PBX1: variants seen among roughly 807,000 people sequenced by gnomAD.
The protein encoded by PBX1 is PBX homeobox 1, also known as pre-B-cell leukemia transcription factor 1.
Under a neutral mutation model 53.4 loss-of-function variants are expected in PBX1, and 6 were observed. That is an observed-to-expected ratio of 0.11 (90% CI 0.06 to 0.22). The LOEUF (loss-of-function observed/expected upper bound fraction) is 0.22, where lower values mean the gene tolerates loss of function less well. Ranked by LOEUF, PBX1 falls within the 10% of genes least tolerant of loss-of-function variation. The pLI, the probability that PBX1 is intolerant of heterozygous loss-of-function variation, is 1.00. For synonymous variants in PBX1, 204 were observed against 212.3 expected (o/e 0.96, Z 0.34); for missense variants, 251 against 551.4 (o/e 0.46, Z 5.46).
At chr1:164,712,025 C>G (rs1282159775) in intron 2 of PBX1, among the ~76,000 whole-genome samples, 1 of 149,572 alleles carries the variant, frequency 6.7e-6, no homozygotes, top group Non-Finnish European at 1.5e-5. Context: ...CTCAAACCCC[C>G]CCACCGTAAG....
chr1:164,659,759 C>T (rs1660374169), intron 2 of PBX1, among the ~76,000 whole-genome samples: 1 of 152,164 alleles, frequency 6.6e-6, no homozygotes, highest in African/African-American at 2.4e-5. Flanking sequence ...GGGAGCTAAG[C>T]AGAGAGACAG....
At chr1:164,761,200 C>G (rs1354672594) in intron 2 of PBX1, among the ~76,000 whole-genome samples, 1 of 152,172 alleles carries the variant, frequency 6.6e-6, no homozygotes, top group East Asian at 1.9e-4. Context: ...AGGATTTTTC[C>G]TCACAGTAAG....
chr1:164,635,772 C>T (rs565620765), intron 2 of PBX1, among the ~76,000 whole-genome samples: 3 of 152,284 alleles, frequency 2.0e-5, no homozygotes, highest in South Asian at 2.1e-4. Context: ...CCGTAGAGAC[C>T]GGTGTCTCCT....
intron 2 of PBX1, among the ~76,000 whole-genome samples, chr1:164,711,365 G>A (rs1042590978): frequency 1.3e-5 from 2 of 152,144 alleles, no homozygotes; most frequent in African/African-American, 4.8e-5. Flanking sequence ...CCAAGTTCAC[G>A]CCATTCTCCT....
intron 1 of PBX1, among the ~76,000 whole-genome samples, chr1:164,562,565 T>C (rs1653140975): frequency 6.6e-6 from 1 of 152,044 alleles, no homozygotes; most frequent in South Asian, 2.1e-4. Flanking sequence ...GTCCTAATTG[T>C]AAATAATTGA....
intron 2 of PBX1, among the ~76,000 whole-genome samples, chr1:164,603,821 T>G (rs2101807188): frequency 6.6e-6 from 1 of 152,264 alleles, no homozygotes; most frequent in East Asian, 1.9e-4. Flanking sequence ...TACTTTTCAG[T>G]TTAGTACCTG....
chr1:164,781,521 T>G (rs1425752925), intron 2 of PBX1, among the ~76,000 whole-genome samples: 2 of 152,208 alleles, frequency 1.3e-5, no homozygotes, highest in Admixed American at 1.3e-4. Flanking sequence ...GTTTACAGTT[T>G]AGTCCACCTT....
intron 2 of PBX1, chr1:164,605,417 C>T (rs1159125487): frequency 6.6e-6 from 1 of 152,080 alleles, no homozygotes; most frequent in East Asian, 1.9e-4. Flanking sequence ...TAGGGACAGC[C>T]TGGTGAGTTT....
chr1:164,626,143 A>T (rs535657045), intron 2 of PBX1: 1 of 1,001,348 alleles, frequency 1.0e-6, no homozygotes, highest in African/African-American at 1.7e-5. Flanking sequence ...TTGACTTGAG[A>T]TGCATATACC....
chr1:164,707,412 TGTGTGTGAGAGA>T (rs1557956041), intron 2 of PBX1, among the ~76,000 whole-genome samples: 1 of 106,630 alleles, frequency 9.4e-6, no homozygotes, highest in Non-Finnish European at 1.9e-5. Flanking sequence ...TGTGTGTGTG[TGTGTGTGAGAGA>T]GAGAGAGAGA....
chr1:164,701,069 A>G (rs887814290), intron 2 of PBX1, among the ~76,000 whole-genome samples: 15 of 152,156 alleles, frequency 9.9e-5, no homozygotes, highest in Admixed American at 2.6e-4. Context: ...ATGAAACAAT[A>G]TATGCGTGTC....
At chr1:164,646,387 G>T (rs1659453231) in intron 2 of PBX1, among the ~76,000 whole-genome samples, 1 of 152,182 alleles carries the variant, frequency 6.6e-6, no homozygotes, top group Non-Finnish European at 1.5e-5. Context: ...CAGTAGGAAA[G>T]CTTGTCATTG....
rs752110444 is a variant in PBX1, at chr1:164,625,992, G to A, written c.265+62681G>A. 1.9e-5 allele frequency: 20 copies of A among 1,041,152 alleles called. 1 individual carries two copies. The Middle Eastern group carries it at 1.3e-3, about 69-fold the overall frequency. The allele number at this position is 1,041,152 out of a possible 1,614,324, so 64.5% of individuals were successfully genotyped here. A position where few individuals can be genotyped will look rare whatever the true frequency, so the allele number is the denominator to read the frequency against. On this transcript the variant is annotated intron_variant, in intron 2 of 8. Transcript: ENST00000420696. Reference sequence around the variant, plus strand: ...TTCTTTTTGGTGACTAGGATACAAAGTTCTGTTCGGCACAGAGTACTCTCC... The same window carrying A: ...TTCTTTTTGGTGACTAGGATACAAAATTCTGTTCGGCACAGAGTACTCTCC...
At chr1:164,602,755 G>A (rs1056795352) in intron 2 of PBX1, among the ~76,000 whole-genome samples, 1 of 151,276 alleles carries the variant, frequency 6.6e-6, no homozygotes, top group Admixed American at 6.6e-5. Flanking sequence ...TTACTTGCAC[G>A]AAAGGGCTCT....
At chr1:164,700,832 T>G (rs1557951728) in intron 2 of PBX1, 2 of 635,046 alleles carry the variant, frequency 3.1e-6, no homozygotes, top group Non-Finnish European at 3.9e-6. Flanking sequence ...CCCTGTATAT[T>G]GCCACTTAGC....
intron 2 of PBX1, among the ~76,000 whole-genome samples, chr1:164,595,792 C>G (rs1770554): frequency 6.6e-6 from 1 of 152,082 alleles, no homozygotes; most frequent in Non-Finnish European, 1.5e-5. Flanking sequence ...CAGAATTAGA[C>G]CCTGTCTTTG....
At chr1:164,592,309 T>G (rs2101774055) in intron 2 of PBX1, among the ~76,000 whole-genome samples, 1 of 152,314 alleles carries the variant, frequency 6.6e-6, no homozygotes, top group South Asian at 2.1e-4. Context: ...ACACTTAGCT[T>G]TGACGTGTAA....
intron 2 of PBX1, among the ~76,000 whole-genome samples, chr1:164,603,929 A>ATTTTTCTTTTTTT (rs1656369965): frequency 1.3e-5 from 1 of 75,742 alleles, no homozygotes; most frequent in Admixed American, 1.8e-4. Context: ...ATGTCATTTC[A>ATTTTTCTTTTTTT]TTTTTTTTTT....
intron 2 of PBX1, among the ~76,000 whole-genome samples, chr1:164,643,982 C>T (rs538552959): frequency 2.0e-5 from 3 of 152,184 alleles, no homozygotes; most frequent in Non-Finnish European, 4.4e-5. Flanking sequence ...TTCAGTTTAA[C>T]TTTAACTTTG....
Sources: gnomAD v4.1 joint callset for allele counts (sites outside exome capture counted in the v4.1 genomes callset) on GRCh38, gnomAD v4.1.1 for gene constraint, MANE v1.5 for transcripts, NCBI Gene and HGNC (gene_info 2026-07-23, HGNC 2026-07-21) for gene names.